EAF2: variants seen among roughly 807,000 people sequenced by gnomAD.
The protein encoded by EAF2 is ELL associated factor 2.
EAF2 carries 29 observed loss-of-function variants against 29.4 expected under a neutral mutation model. That is an observed-to-expected ratio of 0.99 (90% CI 0.73 to 1.35). EAF2 has a LOEUF of 1.35. Among genes scored for constraint, EAF2 ranks in the 40% most tolerant of loss-of-function variants. EAF2 has a pLI of 0.00. For synonymous variants in EAF2, 103 were observed against 102.5 expected (o/e 1.00, Z -0.03); for missense variants, 292 against 312.0 (o/e 0.94, Z 0.48).
chr3:121,876,833 GTGAT>G (rs954966247), intron 5 of EAF2, among the ~76,000 whole-genome samples: 13 of 151,876 alleles, frequency 8.6e-5, no homozygotes, highest in Non-Finnish European at 1.3e-4. Flanking sequence ...GTGAAAGAAA[GTGAT>G]TGATCAACCC....
chr3:121,873,007 C>A, intron 5 of EAF2: 1 of 767,008 alleles, frequency 1.3e-6, no homozygotes, highest in Non-Finnish European at 2.2e-6. Context: ...TCCTCTCACT[C>A]CTTTTCAAGT....
intron 5 of EAF2, among the ~76,000 whole-genome samples, chr3:121,884,474 C>T (rs1260530274): frequency 2.0e-5 from 3 of 151,048 alleles, no homozygotes; most frequent in Non-Finnish European, 2.9e-5. Context: ...TGTCGCCAGG[C>T]TGGAGTGCAG....
At chr3:121,847,912 G>A (rs1708557062) in intron 2 of EAF2, among the ~76,000 whole-genome samples, 1 of 152,106 alleles carries the variant, frequency 6.6e-6, no homozygotes, top group African/African-American at 2.4e-5. Context: ...CACTGGGATG[G>A]TAGAAGAGGG....
chr3:121,864,508 A>C (rs1182078616), intron 4 of EAF2, among the ~76,000 whole-genome samples: 1 of 152,148 alleles, frequency 6.6e-6, no homozygotes, highest in Non-Finnish European at 1.5e-5. Flanking sequence ...GGGAAGGCAA[A>C]TTTGCTAATC....
intron 4 of EAF2, among the ~76,000 whole-genome samples, chr3:121,858,938 G>T (rs909946335): frequency 2.0e-5 from 3 of 151,932 alleles, no homozygotes; most frequent in East Asian, 1.9e-4. Flanking sequence ...TCCTTTCCCC[G>T]TTGCTTGTTT....
In EAF2 at chr3:121,835,593, G is replaced by T. The variant is rs1186354238; in HGVS notation, c.106+202G>T. The stretch of plus-strand genomic sequence containing the variant: ...AGGAATCGGAGTAGAGCAAATGTGG[G>T]TAAACCCTGGACAGAGAGCGTTGAG... On this transcript the variant is annotated intron_variant, in intron 1 of 5. Transcript: ENST00000273668. 2.0e-5 allele frequency among the ~76,000 whole-genome samples: 3 copies of T among 152,154 alleles called. No individual in the cohort carries two copies. In the East Asian group the frequency reaches 5.8e-4, roughly 29 times the overall value.
Position 121,886,463 on chromosome 3 carries a change from G to A in EAF2, c.*75G>A, listed in dbSNP as rs1709286528. The A allele has an allele frequency of 1.2e-6, 1 of 847,894 alleles. No individual in the cohort carries two copies. Among genetic ancestry groups the A allele is most frequent in the Non-Finnish European group, 1.7e-6 (1 of 596,290 alleles). The allele number at this position is 847,894 out of a possible 1,614,324, so 52.5% of individuals were successfully genotyped here. A position where few individuals can be genotyped will look rare whatever the true frequency, so the allele number is the denominator to read the frequency against. On this transcript the variant is annotated 3_prime_UTR_variant, in exon 6 of 6. Transcript: ENST00000273668. ...TTGTATTAACAATAAAAATTCCTAA[G>A]ACTGAGGGAAATATGTCTTAACTTT...
intron 5 of EAF2, among the ~76,000 whole-genome samples, chr3:121,881,145 T>C (rs889969588): frequency 1.3e-5 from 2 of 152,210 alleles, no homozygotes; most frequent in African/African-American, 4.8e-5. Flanking sequence ...GTTGAGGATT[T>C]TTGCATGTAT....
Position 121,845,167 on chromosome 3 carries a change from C to T in EAF2, c.201+620C>T, listed in dbSNP as rs139734529. On this transcript the variant is annotated intron_variant, in intron 2 of 5. Transcript: ENST00000273668. ...AGTATAATGAAAAATGGGATGGGCGCGGTGGCTCACCCCTGTAATCCCAGC... is the reference window on the plus strand; with the variant it reads ...AGTATAATGAAAAATGGGATGGGCGTGGTGGCTCACCCCTGTAATCCCAGC... Among the ~76,000 whole-genome samples, 172 of 152,126 alleles carry T rather than the reference C, an allele frequency of 1.1e-3. 1 individual carries two copies. Among genetic ancestry groups the T allele is most frequent in the African/African-American group, 3.5e-3 (144 of 41,520 alleles).
intron 1 of EAF2, 90 bp downstream of exon 1, chr3:121,835,481 C>T: frequency 1.7e-6 from 2 of 1,160,726 alleles, no homozygotes; most frequent in Non-Finnish European, 2.5e-6. Context: ...TCCCACAGTA[C>T]CCCTTACACT....
chr3:121,878,308 C>G (rs1473102426), intron 5 of EAF2, among the ~76,000 whole-genome samples: 2 of 152,028 alleles, frequency 1.3e-5, no homozygotes, highest in African/African-American at 4.8e-5. Flanking sequence ...TTATGACTTA[C>G]ACGTGATATT....
At chr3:121,885,832 T>C (rs771637228) in intron 5 of EAF2, among the ~76,000 whole-genome samples, 3 of 152,218 alleles carry the variant, frequency 2.0e-5, no homozygotes. Flanking sequence ...CTTGGCATTA[T>C]GTTATATATT....
intron 5 of EAF2, among the ~76,000 whole-genome samples, chr3:121,884,340 C>CAAAA (rs1192870196): frequency 3.6e-5 from 3 of 84,150 alleles, no homozygotes; most frequent in African/African-American, 9.0e-5. Flanking sequence ...AACTCCATCT[C>CAAAA]AAAAAAAAAA....
At chr3:121,845,448 A>AG (rs1708511487) in intron 2 of EAF2, among the ~76,000 whole-genome samples, 1 of 145,812 alleles carries the variant, frequency 6.9e-6, no homozygotes. Flanking sequence ...CTCAAAAAAA[A>AG]AAAAAAAAAA....
At chr3:121,842,918 C>T (rs58088236) in intron 1 of EAF2, among the ~76,000 whole-genome samples, 56,028 of 151,992 alleles carry the variant, frequency 0.37, 10,845 homozygotes, top group African/African-American at 0.42. Flanking sequence ...TATCCTTTGA[C>T]TCTTCAGTTA....
At chr3:121,849,000 A>G (rs1042623276) in intron 2 of EAF2, among the ~76,000 whole-genome samples, 7 of 152,222 alleles carry the variant, frequency 4.6e-5, no homozygotes, top group Admixed American at 4.6e-4. Context: ...TGGAAATTAC[A>G]TTCTCAGATA....
intron 2 of EAF2, among the ~76,000 whole-genome samples, chr3:121,846,670 A>G (rs1354427148): frequency 6.6e-6 from 1 of 152,152 alleles, no homozygotes; most frequent in Non-Finnish European, 1.5e-5. Flanking sequence ...CTCAGGCTAT[A>G]CAGTATTATT....
intron 4 of EAF2, among the ~76,000 whole-genome samples, chr3:121,864,263 T>A (rs1044869035): frequency 5.3e-5 from 8 of 152,204 alleles, no homozygotes; most frequent in African/African-American, 1.9e-4. Flanking sequence ...TTCACATAGC[T>A]GTCCAATTTC....
rs188675625 is a variant in EAF2 at position 121,884,734 on chromosome 3, T to C, written c.737-1608T>C. The stretch of plus-strand genomic sequence containing the variant: ...GCCACCGCGTGCCCGACCTCGCAGA[T>C]TTCTTTATCAAATGATGTTATCAGT... On this transcript the variant is annotated intron_variant, in intron 5 of 5. Transcript: ENST00000273668. Among the ~76,000 whole-genome samples, 4 of 152,288 alleles carry C rather than the reference T, an allele frequency of 2.6e-5. No homozygotes were observed. The East Asian group carries it at 7.7e-4, about 29-fold the overall frequency.
Sources: gnomAD v4.1 joint callset for allele counts (sites outside exome capture counted in the v4.1 genomes callset) on GRCh38, gnomAD v4.1.1 for gene constraint, MANE v1.5 for transcripts, NCBI Gene and HGNC (gene_info 2026-07-23, HGNC 2026-07-21) for gene names.